Variants in LARP1 observed in about 807,000 individuals in gnomAD.
LARP1 encodes the protein la-related protein 1.
Under a neutral mutation model 122.7 loss-of-function variants are expected in LARP1, and 36 were observed. The ratio of observed to expected loss-of-function variants is 0.29; its 90% confidence interval spans 0.22 to 0.39. The LOEUF is 0.39. LARP1 is among the 10% of genes least tolerant of loss of function. The pLI, the probability that LARP1 is intolerant of heterozygous loss-of-function variation, is 1.00. For synonymous variants in LARP1, 539 were observed against 528.7 expected, an observed-to-expected ratio of 1.02 and a Z score of -0.27; for missense variants, 1,040 against 1,403.6, an observed-to-expected ratio of 0.74 and a Z score of 4.14.
intron 1 of LARP1, among the ~76,000 whole-genome samples, chr5:154,727,285 T>C (rs1207127433): frequency 6.6e-6 from 1 of 152,152 alleles, no homozygotes; most frequent in African/African-American, 2.4e-5. Context: ...CAGAACTACG[T>C]AACTAGGGCC....
chr5:154,696,271 T>G (rs2113227705), intron 1 of LARP1, among the ~76,000 whole-genome samples: 1 of 152,176 alleles, frequency 6.6e-6, no homozygotes, highest in East Asian at 1.9e-4. Flanking sequence ...GTGGGAGAAT[T>G]GCTTGAGCCT....
In LARP1 at chr5:154,756,004, G is replaced by A; in HGVS notation, c.247G>A (p.Gly83Ser). 9.8e-7 allele frequency: 1 copy of A among 1,018,276 alleles called. No individual in the cohort carries two copies. Among genetic ancestry groups the A allele is most frequent in the African/African-American group, 1.7e-5 (1 of 57,494 alleles). The allele number at this position is 1,018,276 out of a possible 1,614,324, so 63.1% of individuals were successfully genotyped here. A position where few individuals can be genotyped will look rare whatever the true frequency, so the allele number is the denominator to read the frequency against. ...GAGCCCGCGGCCGCTGCAGCTGCCC[G>A]GCGCCGAAGGCCCGGCCATCAGCGA... ...RESPRPLQLPGAEGPAISDGE... is the reference protein window; with the variant it reads ...RESPRPLQLPSAEGPAISDGE... Residue 83 changes from glycine (G) to serine (S), a missense_variant, in exon 1 of 19, where the codon GGC becomes AGC. Physicochemically the swap from Gly to Ser is moderately conservative, Grantham distance 56. Around this residue, in one of 8 missense-constraint regions of LARP1, gnomAD observed 257 missense variants for 273.3 expected, o/e 0.94. Transcript: ENST00000518297.
At chr5:154,772,137 C>G (rs571775968) in intron 1 of LARP1, among the ~76,000 whole-genome samples, 1 of 152,328 alleles carries the variant, frequency 6.6e-6, no homozygotes, top group East Asian at 1.9e-4. Flanking sequence ...GATTGTGTAT[C>G]TTTCTAGACC....
intron 1 of LARP1, among the ~76,000 whole-genome samples, chr5:154,683,273 C>T (rs1340446642): frequency 6.6e-6 from 1 of 152,248 alleles, no homozygotes; most frequent in Non-Finnish European, 1.5e-5. Flanking sequence ...GGCATCTGGG[C>T]CAGGCAAGTC....
chr5:154,693,070 C>T (rs1754301270), intron 1 of LARP1, among the ~76,000 whole-genome samples: 1 of 151,608 alleles, frequency 6.6e-6, no homozygotes, highest in African/African-American at 2.4e-5. Flanking sequence ...AGGGATCCTC[C>T]TGCCTCAGCC....
Position 154,793,612 on chromosome 5 carries a change from G to T in LARP1, c.757G>T (p.Val253Phe). The change falls in exon 5 of 19, where the codon GTT (valine) becomes TTT (phenylalanine). Residue 253 changes from valine (V) to phenylalanine (F), a missense_variant. Val to Phe is a conservative substitution (Grantham distance 50). This residue lies in a region of LARP1 where 11 missense variants were observed against 33.1 expected (regional missense o/e 0.33). Transcript: ENST00000518297. ...TCTCCCAGGAAACAAACACAAGTGGGTTCCATTACAAATAGACATGAAGCC... is the reference window on the plus strand; with the variant it reads ...TCTCCCAGGAAACAAACACAAGTGGTTTCCATTACAAATAGACATGAAGCC... Reference protein sequence around the residue: ...QKKKGNKHKWVPLQIDMKPEV... With the variant: ...QKKKGNKHKWFPLQIDMKPEV... 1 of 1,614,160 alleles carries T rather than the reference G, an allele frequency of 6.2e-7. No homozygotes were observed. Among genetic ancestry groups the T allele is most frequent in the Non-Finnish European group, 8.5e-7 (1 of 1,180,038 alleles).
chr5:154,714,883 T>C (rs1374367160), intron 1 of LARP1, among the ~76,000 whole-genome samples: 2 of 152,280 alleles, frequency 1.3e-5, no homozygotes, highest in East Asian at 3.9e-4. Context: ...CAGGAGCTAA[T>C]GAAATTAAAA....
chr5:154,707,494 C>T (rs13154131), intron 1 of LARP1, among the ~76,000 whole-genome samples: 13,503 of 152,134 alleles, frequency 0.089, 767 homozygotes, highest in East Asian at 0.23. Flanking sequence ...TTCAAAGACA[C>T]CTTGGTTCCT....
rs544367856 is a variant in LARP1 at position 154,812,828 on chromosome 5, T to A, written c.3082-1059T>A. On this transcript the variant is annotated intron_variant, in intron 18 of 18. Transcript: ENST00000518297. Reference sequence around the variant, plus strand: ...CACCGCGCCCGGCCCAAAAGCCCCTTATAAGACCGTCAGATCTTGTGAGAA... The same window carrying A: ...CACCGCGCCCGGCCCAAAAGCCCCTAATAAGACCGTCAGATCTTGTGAGAA... Among the ~76,000 whole-genome samples the A allele has an allele frequency of 1.4e-4, 21 of 152,078 alleles. No individual in the cohort carries two copies. The South Asian group carries it at 3.3e-3, about 24-fold the overall frequency.
At chr5:154,725,365 G>A (rs1756140320) in intron 1 of LARP1, among the ~76,000 whole-genome samples, 1 of 150,298 alleles carries the variant, frequency 6.7e-6, no homozygotes. Context: ...CTCCAGCCTG[G>A]GTGACAGAGT....
intron 3 of LARP1, chr5:154,791,827 G>C (rs1473783737): frequency 2.7e-6 from 1 of 371,166 alleles, no homozygotes; most frequent in African/African-American, 2.1e-5. Flanking sequence ...CTGTGTATAA[G>C]TGGACCCACA....
At chr5:154,724,979 A>AT (rs1311829442) in intron 1 of LARP1, among the ~76,000 whole-genome samples, 6 of 152,204 alleles carry the variant, frequency 3.9e-5, no homozygotes, top group Non-Finnish European at 7.3e-5. Flanking sequence ...ACTGGGAATT[A>AT]TTAAAAGAGC....
At chr5:154,774,049 A>ATTTT (rs543076767) in intron 1 of LARP1, among the ~76,000 whole-genome samples, 1 of 142,848 alleles carries the variant, frequency 7.0e-6, no homozygotes, top group Non-Finnish European at 1.5e-5. Context: ...GCCTGGCTTC[A>ATTTT]TTTTTTTTTT....
At chr5:154,741,631 G>A (rs929553596) in intron 1 of LARP1, among the ~76,000 whole-genome samples, 3 of 152,272 alleles carry the variant, frequency 2.0e-5, no homozygotes, top group South Asian at 2.1e-4. Context: ...CTAGGGGCCC[G>A]CAGGCTGGGA....
chr5:154,691,506 C>T (rs1754206371), intron 1 of LARP1, among the ~76,000 whole-genome samples: 1 of 152,184 alleles, frequency 6.6e-6, no homozygotes, highest in South Asian at 2.1e-4. Flanking sequence ...GTCGCGGGGT[C>T]CGCGGGTGGC....
chr5:154,753,882 T>C (rs1402421166), upstream of LARP1, among the ~76,000 whole-genome samples: 1 of 152,338 alleles, frequency 6.6e-6, no homozygotes, highest in East Asian at 1.9e-4. Flanking sequence ...TTCAGTCTTC[T>C]CCTAGATCCA....
chr5:154,748,901 T>C (rs768716399), intron 1 of LARP1, among the ~76,000 whole-genome samples: 2 of 152,228 alleles, frequency 1.3e-5, no homozygotes, highest in Admixed American at 6.5e-5. Flanking sequence ...CACAGGGGTT[T>C]ACATGGGAAA....
At chr5:154,704,268 G>A (rs1294275631) in intron 1 of LARP1, among the ~76,000 whole-genome samples, 1 of 152,230 alleles carries the variant, frequency 6.6e-6, no homozygotes, top group Non-Finnish European at 1.5e-5. Flanking sequence ...TCCGTTGACT[G>A]TGAGACTAAG....
intron 1 of LARP1, among the ~76,000 whole-genome samples, chr5:154,748,570 C>T (rs1753321791): frequency 6.6e-6 from 1 of 152,020 alleles, no homozygotes; most frequent in South Asian, 2.1e-4. Flanking sequence ...TGGTGCTGAG[C>T]CTTGAAGGAC....
Sources: gnomAD v4.1 joint callset for allele counts (sites outside exome capture counted in the v4.1 genomes callset) on GRCh38, gnomAD v4.1.1 for gene constraint, gnomAD v4.1.1 regional missense constraint, MANE v1.5 for transcripts, NCBI Gene and HGNC (gene_info 2026-07-23, HGNC 2026-07-21) for gene names.